Variants in TNNI3K observed in about 807,000 individuals in gnomAD.
TNNI3K encodes serine/threonine-protein kinase TNNI3K.
TNNI3K carries 140 observed loss-of-function variants against 114.5 expected under a neutral mutation model. The observed-to-expected ratio is 1.22, with a 90% CI of 1.07 to 1.41. The LOEUF (loss-of-function observed/expected upper bound fraction) is 1.41. Among genes scored for constraint, TNNI3K ranks in the 40% most tolerant of loss-of-function variants. The pLI is 0.00. For synonymous variants in TNNI3K, 347 were observed against 347.5 expected, an observed-to-expected ratio of 1.00 and a Z score of 0.02; for missense variants, 1,125 against 1,007.6, an observed-to-expected ratio of 1.12 and a Z score of -1.58.
chr1:74,414,187 AT>A (rs1665015133), intron 17 of TNNI3K, among the ~76,000 whole-genome samples: 1 of 152,190 alleles, frequency 6.6e-6, no homozygotes, highest in Non-Finnish European at 1.5e-5. Flanking sequence ...TATTCTGTCC[AT>A]ATATAACAAT....
chr1:74,363,037 A>G (rs1160681627), intron 11 of TNNI3K, among the ~76,000 whole-genome samples: 2 of 152,106 alleles, frequency 1.3e-5, no homozygotes, highest in Non-Finnish European at 2.9e-5. Flanking sequence ...ATTCTTAAAT[A>G]TAGGAAAACA....
intron 23 of TNNI3K, among the ~76,000 whole-genome samples, chr1:74,508,353 G>A (rs1670012546): frequency 1.3e-5 from 2 of 152,144 alleles, no homozygotes; most frequent in African/African-American, 2.4e-5. Flanking sequence ...ACAGGCTATG[G>A]TACTTTAAAT....
chr1:74,467,092 A>G (rs925413538), intron 21 of TNNI3K, among the ~76,000 whole-genome samples: 5 of 152,286 alleles, frequency 3.3e-5, no homozygotes, highest in Admixed American at 1.3e-4. Context: ...CTGAGGCCAT[A>G]AACAGTAGTT....
chr1:74,320,400 A>G (rs1475046056), intron 5 of TNNI3K, among the ~76,000 whole-genome samples: 3 of 152,154 alleles, frequency 2.0e-5, no homozygotes. Context: ...TTATTCTAAA[A>G]TTTTTGCAGA....
rs550589943 is a variant in TNNI3K at position 74,335,581 on chromosome 1, A to G, written c.544-430A>G. The stretch of plus-strand genomic sequence containing the variant: ...TCACAGTAAATCTTTCCCCTTGCCC[A>G]GGGATTGGTTTAGAAAGTTGCAAAT... On this transcript the variant is annotated intron_variant, in intron 6 of 24. Transcript: ENST00000326637. Among the ~76,000 whole-genome samples the G allele has an allele frequency of 1.5e-4, 23 of 152,276 alleles. No individual in the cohort carries two copies. In the South Asian group the frequency reaches 3.5e-3, roughly 23 times the overall value.
intron 5 of TNNI3K, 45 bp from the exon 6 acceptor site, chr1:74,331,405 G>C (rs1030901954): frequency 2.5e-6 from 4 of 1,587,112 alleles, no homozygotes; most frequent in African/African-American, 1.3e-5. Context: ...TTAATAGGCA[G>C]ATAACTCAAC....
At chr1:74,392,753 T>C (rs1354883569) in intron 17 of TNNI3K, among the ~76,000 whole-genome samples, 1 of 152,210 alleles carries the variant, frequency 6.6e-6, no homozygotes, top group Non-Finnish European at 1.5e-5. Context: ...CCTCCCGAAA[T>C]GCATAATTTT....
intron 11 of TNNI3K, among the ~76,000 whole-genome samples, chr1:74,361,740 G>C (rs1357761158): frequency 1.3e-5 from 2 of 152,118 alleles, no homozygotes; most frequent in African/African-American, 4.8e-5. Context: ...AGTAATCATG[G>C]AAGGGGAAGG....
intron 5 of TNNI3K, among the ~76,000 whole-genome samples, chr1:74,274,905 G>A (rs1196644898): frequency 6.6e-6 from 1 of 152,048 alleles, no homozygotes; most frequent in Non-Finnish European, 1.5e-5. Context: ...AATATCTTAT[G>A]TAATTTATTG....
At chr1:74,465,212 C>T (rs1023440011) in intron 21 of TNNI3K, among the ~76,000 whole-genome samples, 6 of 152,192 alleles carry the variant, frequency 3.9e-5, no homozygotes, top group South Asian at 2.1e-4. Context: ...CCAGCTGCAC[C>T]GTGGGAACCC....
Position 74,444,615 on chromosome 1 carries a change from A to G in TNNI3K, c.2011+4993A>G, listed in dbSNP as rs186900344. Among the ~76,000 whole-genome samples, 17 of 152,298 alleles carry G rather than the reference A, an allele frequency of 1.1e-4. No individual in the cohort carries two copies. The East Asian group carries it at 3.3e-3, about 29-fold the overall frequency. ...GAAAATGGCCAGACTGCCCAAAGTA[A>G]TTTATAGATCCAATGCTATTACCAT... On this transcript the variant is annotated intron_variant, in intron 20 of 24. Coordinates refer to ENST00000326637, the MANE Select transcript of TNNI3K (RefSeq NM_015978.3).
At chr1:74,543,373 CT>C (rs1366376296) in intron 24 of TNNI3K, among the ~76,000 whole-genome samples, 5 of 152,070 alleles carry the variant, frequency 3.3e-5, no homozygotes, top group African/African-American at 1.2e-4. Context: ...CACCTGGACT[CT>C]TTCCTTTTTC....
At chr1:74,483,069 A>T (rs557373903) in intron 21 of TNNI3K, among the ~76,000 whole-genome samples, 1 of 152,342 alleles carries the variant, frequency 6.6e-6, no homozygotes, top group South Asian at 2.1e-4. Context: ...AAGGTCTTTA[A>T]ATAGTTTTGA....
At chr1:74,264,973 G>A (rs1655880877) in intron 4 of TNNI3K, among the ~76,000 whole-genome samples, 1 of 152,000 alleles carries the variant, frequency 6.6e-6, no homozygotes, top group African/African-American at 2.4e-5. Context: ...TTATAAAAAT[G>A]AGGAATATAA....
chr1:74,514,626 C>T (rs1316016257), intron 23 of TNNI3K, among the ~76,000 whole-genome samples: 2 of 152,080 alleles, frequency 1.3e-5, no homozygotes, highest in African/African-American at 4.8e-5. Context: ...CAGGAAACAT[C>T]TTCTGAGATA....
At chr1:74,307,555 T>C (rs1485492410) in intron 5 of TNNI3K, among the ~76,000 whole-genome samples, 2 of 152,204 alleles carry the variant, frequency 1.3e-5, no homozygotes, top group African/African-American at 4.8e-5. Flanking sequence ...CATTATATAA[T>C]GATGAAGGGT....
chr1:74,514,073 C>T (rs994026644), intron 23 of TNNI3K, among the ~76,000 whole-genome samples: 3 of 152,142 alleles, frequency 2.0e-5, no homozygotes, highest in Admixed American at 1.3e-4. Context: ...AAAGGCTATT[C>T]GAAGTTTGCA....
intron 4 of TNNI3K, among the ~76,000 whole-genome samples, chr1:74,253,713 T>C (rs2100854685): frequency 6.6e-6 from 1 of 151,596 alleles, no homozygotes; most frequent in Admixed American, 6.6e-5. Flanking sequence ...CGGCCCCAGT[T>C]CCTGCCCGTG....
At chr1:74,436,031 A>G (rs1400482621) in intron 17 of TNNI3K, 49 bp from the exon 18 acceptor site, 4 of 1,582,550 alleles carry the variant, frequency 2.5e-6, no homozygotes, top group South Asian at 1.2e-5. Context: ...AGATTAGGAC[A>G]TAGCAAAGCT....
Sources: allele counts gnomAD v4.1 joint callset (sites outside exome capture counted in the v4.1 genomes callset), GRCh38; gene constraint gnomAD v4.1.1; transcripts MANE v1.5; gene names NCBI Gene and HGNC (gene_info 2026-07-23, HGNC 2026-07-21).